The following DACH1 variants were observed in gnomAD, a reference collection of about 807,000 sequenced individuals.
DACH1 encodes dachshund homolog 1.
DACH1 carries 12 observed loss-of-function variants against 54.2 expected under a neutral mutation model. The ratio of observed to expected loss-of-function variants is 0.22; its 90% confidence interval spans 0.14 to 0.36. DACH1 has a LOEUF of 0.36. Ranked by LOEUF, DACH1 falls within the 10% of genes least tolerant of loss-of-function variation. DACH1 has a pLI of 1.00. For synonymous variants in DACH1, 386 were observed against 366.2 expected (o/e 1.05, Z -0.62); for missense variants, 805 against 929.8 (o/e 0.87, Z 1.75).
intron 10 of DACH1, among the ~76,000 whole-genome samples, chr13:71,470,186 C>A (rs1447563082): frequency 2.6e-5 from 4 of 152,080 alleles, no homozygotes; most frequent in South Asian, 2.1e-4. Flanking sequence ...TTTATAGAAT[C>A]CAAATCTTAC....
intron 1 of DACH1, among the ~76,000 whole-genome samples, chr13:71,860,760 A>T (rs1469259763): frequency 6.6e-6 from 1 of 152,014 alleles, no homozygotes; most frequent in Non-Finnish European, 1.5e-5. Flanking sequence ...GACTGACAAA[A>T]GCAATTGTAT....
In DACH1 at chr13:71,866,257, G is replaced by T. The variant is rs749329007; in HGVS notation, c.513C>A (p.Pro171=). The change falls in exon 1 of 11, where the codon CCC becomes CCA. Residue 171 remains proline (P), a synonymous_variant. Transcript: ENST00000613252. The part of the protein sequence containing the change: ...SSSCGPLPGK[P]VYSTPSPVEN... ...CCACTGGGGACGGGGTTGAGTACAC[G>T]GGTTTCCCGGGGAGGGGGCCGCAGC... 1 of 1,603,672 alleles carries T rather than the reference G, an allele frequency of 6.2e-7. No homozygotes were observed. The highest frequency in any genetic ancestry group is 8.5e-7 in the Non-Finnish European group (1 of 1,174,612).
chr13:71,862,793 A>T (rs1465246641), intron 1 of DACH1, among the ~76,000 whole-genome samples: 7 of 152,070 alleles, frequency 4.6e-5, no homozygotes, highest in Non-Finnish European at 1.5e-5. Flanking sequence ...GTTCCTCAAA[A>T]TCCCTGGTAT....
Position 71,512,627 on chromosome 13 carries a change from G to T in DACH1, c.1571-23479C>A, listed in dbSNP as rs569351474. Among the ~76,000 whole-genome samples the T allele has an allele frequency of 3.3e-5, 5 of 151,846 alleles. No individual in the cohort carries two copies. The South Asian group carries it at 6.2e-4, about 19-fold the overall frequency. The stretch of plus-strand genomic sequence containing the variant: ...TAATAAACTTTTCTTGGATCTCAAA[G>T]TGTTCAATATAGTGTTGTCAGATCC... On this transcript the variant is annotated intron_variant, in intron 6 of 10. Coordinates refer to ENST00000613252, the MANE Select transcript of DACH1 (RefSeq NM_080759.6).
chr13:71,689,689 C>T (rs1056548954), intron 1 of DACH1, among the ~76,000 whole-genome samples: 1 of 152,062 alleles, frequency 6.6e-6, no homozygotes, highest in African/African-American at 2.4e-5. Flanking sequence ...GTTGGAGCTA[C>T]TACATACTGA....
At chr13:71,733,109 A>G (rs964973958) in intron 1 of DACH1, among the ~76,000 whole-genome samples, 5 of 152,192 alleles carry the variant, frequency 3.3e-5, no homozygotes, top group African/African-American at 9.7e-5. Context: ...ACAATACATC[A>G]TAAGTGCTCA....
intron 6 of DACH1, among the ~76,000 whole-genome samples, chr13:71,555,840 T>C (rs1044374507): frequency 3.3e-5 from 5 of 152,062 alleles, no homozygotes; most frequent in African/African-American, 7.3e-5. Context: ...CTAATATAAA[T>C]AGCACTTGAT....
intron 1 of DACH1, among the ~76,000 whole-genome samples, chr13:71,727,346 T>G (rs949806079): frequency 1.3e-5 from 2 of 152,024 alleles, no homozygotes; most frequent in Non-Finnish European, 2.9e-5. Flanking sequence ...CACACAAACT[T>G]TCTTCCAAAT....
intron 2 of DACH1, among the ~76,000 whole-genome samples, chr13:71,671,787 T>C (rs1005790766): frequency 4.6e-5 from 7 of 152,138 alleles, no homozygotes; most frequent in African/African-American, 1.7e-4. Flanking sequence ...CTTGAACATT[T>C]CTGTCAGAAG....
intron 6 of DACH1, among the ~76,000 whole-genome samples, chr13:71,553,109 A>G (rs1237512708): frequency 7.0e-6 from 1 of 141,992 alleles, no homozygotes; most frequent in Non-Finnish European, 1.5e-5. Flanking sequence ...TATGTATATT[A>G]GACATATATC....
chr13:71,636,756 C>T (rs986514172), intron 2 of DACH1, among the ~76,000 whole-genome samples: 47 of 151,914 alleles, frequency 3.1e-4, no homozygotes, highest in African/African-American at 1.1e-3. Flanking sequence ...TTAAGTGGTG[C>T]AATGTATTTA....
rs569867271 is a variant in DACH1, at chr13:71,710,601, T to C, written c.849-28691A>G. Among the ~76,000 whole-genome samples, 3 of 152,124 alleles carry C rather than the reference T, an allele frequency of 2.0e-5. No homozygotes were observed. In the South Asian group the frequency reaches 6.2e-4, roughly 32 times the overall value. ...ATCTTGTAAGCCACACTAAGGAATTTAGATTTTTGAACTGCTTCTATTTGA... is the reference window on the plus strand; with the variant it reads ...ATCTTGTAAGCCACACTAAGGAATTCAGATTTTTGAACTGCTTCTATTTGA... On this transcript the variant is annotated intron_variant, in intron 1 of 10. Coordinates refer to ENST00000613252, the MANE Select transcript of DACH1 (RefSeq NM_080759.6).
At chr13:71,545,117 C>T (rs969226269) in intron 6 of DACH1, among the ~76,000 whole-genome samples, 2 of 151,982 alleles carry the variant, frequency 1.3e-5, no homozygotes, top group African/African-American at 2.4e-5. Context: ...AACAAACTTG[C>T]TTTTTTCAAG....
At chr13:71,851,022 C>T (rs906717270) in intron 1 of DACH1, among the ~76,000 whole-genome samples, 3 of 152,152 alleles carry the variant, frequency 2.0e-5, no homozygotes, top group Non-Finnish European at 4.4e-5. Context: ...GTGATATGTA[C>T]GTCCATGAGT....
chr13:71,771,857 G>A (rs1441480887), intron 1 of DACH1, among the ~76,000 whole-genome samples: 1 of 150,486 alleles, frequency 6.6e-6, no homozygotes, highest in Non-Finnish European at 1.5e-5. Context: ...GTTACATAAA[G>A]GTGGGTTACC....
At chr13:71,847,919 T>C (rs542913189) in intron 1 of DACH1, among the ~76,000 whole-genome samples, 1 of 152,306 alleles carries the variant, frequency 6.6e-6, no homozygotes, top group East Asian at 1.9e-4. Flanking sequence ...GTTGAATGCC[T>C]AGCTCAAATT....
chr13:71,449,939 G>A (rs1359187862), intron 10 of DACH1, among the ~76,000 whole-genome samples: 1 of 131,964 alleles, frequency 7.6e-6, no homozygotes, highest in Non-Finnish European at 1.6e-5. Context: ...GGGAGGGGGA[G>A]GGATAGCATT....
chr13:71,859,379 T>A (rs1874209741), intron 1 of DACH1, among the ~76,000 whole-genome samples: 1 of 151,828 alleles, frequency 6.6e-6, no homozygotes, highest in East Asian at 1.9e-4. Context: ...TCCTTGACTT[T>A]GGATCAAGTG....
At chr13:71,655,281 A>G (rs1293461379) in intron 2 of DACH1, among the ~76,000 whole-genome samples, 1 of 151,944 alleles carries the variant, frequency 6.6e-6, no homozygotes, top group Non-Finnish European at 1.5e-5. Flanking sequence ...TTTTCTCCCA[A>G]TCACTTGAAT....
Sources: gnomAD v4.1 joint callset for allele counts (sites outside exome capture counted in the v4.1 genomes callset) on GRCh38, gnomAD v4.1.1 for gene constraint, MANE v1.5 for transcripts, NCBI Gene and HGNC (gene_info 2026-07-23, HGNC 2026-07-21) for gene names.